KIAA1328: variants seen among roughly 807,000 people sequenced by gnomAD.
The protein encoded by KIAA1328 is KIAA1328, also known as protein hinderin.
KIAA1328 carries 52 observed loss-of-function variants against 68.1 expected under a neutral mutation model. The ratio of observed to expected loss-of-function variants is 0.76; its 90% CI spans 0.61 to 0.96. KIAA1328 has a LOEUF of 0.96. KIAA1328 is among the 40% of genes least tolerant of loss of function. The pLI, the probability that KIAA1328 is intolerant of heterozygous loss-of-function variation, is 0.00. For synonymous variants in KIAA1328, 232 were observed against 239.4 expected (o/e 0.97, Z 0.28); for missense variants, 641 against 677.6 (o/e 0.95, Z 0.60).
chr18:37,099,684 C>G (rs2057536584), intron 7 of KIAA1328, among the ~76,000 whole-genome samples: 1 of 152,092 alleles, frequency 6.6e-6, no homozygotes, highest in African/African-American at 2.4e-5. Flanking sequence ...TTGTTAAAGT[C>G]TCCCATTATT....
chr18:37,105,911 T>G (rs1283886589), intron 7 of KIAA1328, among the ~76,000 whole-genome samples: 1 of 54,546 alleles, frequency 1.8e-5, no homozygotes, highest in Non-Finnish European at 3.2e-5. Flanking sequence ...AGCAAGACTC[T>G]GTGTCAAAAA....
chr18:37,013,601 G>A (rs1395820997), intron 6 of KIAA1328, among the ~76,000 whole-genome samples: 1 of 152,104 alleles, frequency 6.6e-6, no homozygotes, highest in African/African-American at 2.4e-5. Context: ...GTAGTATTTG[G>A]TTTTCTGTTC....
intron 7 of KIAA1328, among the ~76,000 whole-genome samples, chr18:37,079,158 T>G (rs1431681054): frequency 3.2e-5 from 4 of 125,690 alleles, no homozygotes; most frequent in Non-Finnish European, 4.9e-5. Context: ...CCATAAAAAA[T>G]GATGAGTTCA....
chr18:37,066,692 T>C lies in KIAA1328; in HGVS notation c.577-198T>C, dbSNP rs992450258. On this transcript the variant is annotated intron_variant, in intron 6 of 9. Transcript: ENST00000280020. ...TTTTCTTATCTTTATATAGATTTACTGAAGGGTAGGTTGTTTGAAAATGGA... is the reference window on the plus strand; with the variant it reads ...TTTTCTTATCTTTATATAGATTTACCGAAGGGTAGGTTGTTTGAAAATGGA... Among the ~76,000 whole-genome samples the C allele has an allele frequency of 2.6e-5, 4 of 152,364 alleles. 1 individual carries two copies. The highest frequency in any genetic ancestry group is 9.6e-5 in the African/African-American group (4 of 41,592).
rs1300222279 is a variant in KIAA1328 at position 37,028,014 on chromosome 18, G to GA, written c.577-38869dup. 3.3e-5 allele frequency among the ~76,000 whole-genome samples: 5 copies of GA among 152,066 alleles called. No homozygotes were observed. The South Asian group carries it at 1.0e-3, about 32-fold the overall frequency. On this transcript the variant is annotated intron_variant, in intron 6 of 9. Coordinates refer to ENST00000280020, the MANE Select transcript of KIAA1328 (RefSeq NM_020776.3). Reference sequence around the variant, plus strand: ...ACAAAGAACTCAAACAAATTTACAAGAAAAAAACAACCCCATCAAAAAGTG... The same window carrying GA: ...ACAAAGAACTCAAACAAATTTACAAGAAAAAAAACAACCCCATCAAAAAGTG...
At chr18:37,117,495 G>A (rs923289970) in intron 7 of KIAA1328, among the ~76,000 whole-genome samples, 22 of 152,284 alleles carry the variant, frequency 1.4e-4, no homozygotes, top group African/African-American at 5.3e-4. Flanking sequence ...GCCTGTCATG[G>A]GATTGGGGGA....
chr18:37,169,498 A>G (rs1017576368), intron 8 of KIAA1328, among the ~76,000 whole-genome samples: 13 of 146,170 alleles, frequency 8.9e-5, no homozygotes, highest in African/African-American at 3.2e-4. Flanking sequence ...ATATGTTGTT[A>G]TTGTGTGTGT....
intron 6 of KIAA1328, among the ~76,000 whole-genome samples, chr18:37,051,925 C>A (rs1022941529): frequency 1.3e-5 from 2 of 151,972 alleles, no homozygotes; most frequent in African/African-American, 4.8e-5. Context: ...GCCTCTAATC[C>A]CAGCTATTTG....
At chr18:36,859,909 A>T (rs2047507666) in intron 4 of KIAA1328, among the ~76,000 whole-genome samples, 1 of 147,302 alleles carries the variant, frequency 6.8e-6, no homozygotes, top group Non-Finnish European at 1.5e-5. Flanking sequence ...TATGTAACTC[A>T]TTGATTTTCA....
intron 5 of KIAA1328, among the ~76,000 whole-genome samples, chr18:36,891,642 A>G (rs914994808): frequency 1.3e-5 from 2 of 152,300 alleles, no homozygotes; most frequent in South Asian, 2.1e-4. Context: ...TCATTATTCC[A>G]TTCTGTTTTC....
intron 6 of KIAA1328, among the ~76,000 whole-genome samples, chr18:37,017,602 T>C (rs528219620): frequency 2.9e-4 from 44 of 152,268 alleles, no homozygotes; most frequent in African/African-American, 9.6e-4. Context: ...GTTTAAGTTT[T>C]TTCATAGGTT....
At chr18:36,835,198 T>G (rs1454609812) in intron 2 of KIAA1328, 36 bp from the exon 3 acceptor site, 1 of 1,594,198 alleles carries the variant, frequency 6.3e-7, no homozygotes, top group South Asian at 1.1e-5. Context: ...GATAATAAGG[T>G]ATAATTTTGA....
intron 6 of KIAA1328, among the ~76,000 whole-genome samples, chr18:37,040,937 T>C (rs1358282593): frequency 6.6e-6 from 1 of 151,888 alleles, no homozygotes. Flanking sequence ...CTTTTAAATT[T>C]GTAAATTTTT....
chr18:37,000,147 G>A, intron 6 of KIAA1328, among the ~76,000 whole-genome samples: 1 of 152,090 alleles, frequency 6.6e-6, no homozygotes, highest in East Asian at 1.9e-4. Flanking sequence ...TAGCCTGAAA[G>A]TAAAGGGACG....
chr18:37,118,337 C>T (rs1325712062), intron 7 of KIAA1328, among the ~76,000 whole-genome samples: 2 of 152,112 alleles, frequency 1.3e-5, no homozygotes, highest in South Asian at 2.1e-4. Flanking sequence ...TTCCCTTTGC[C>T]ATCAGCAAGC....
intron 6 of KIAA1328, among the ~76,000 whole-genome samples, chr18:37,010,020 A>T (rs959625702): frequency 6.6e-6 from 1 of 152,194 alleles, no homozygotes; most frequent in Non-Finnish European, 1.5e-5. Context: ...CACTAAGGAA[A>T]AGCTTACCAT....
chr18:37,214,591 C>A (rs1351894008), intron 9 of KIAA1328, among the ~76,000 whole-genome samples: 1 of 152,168 alleles, frequency 6.6e-6, no homozygotes. Flanking sequence ...CGTGATGCCT[C>A]CAGCTTTGTT....
intron 9 of KIAA1328, among the ~76,000 whole-genome samples, chr18:37,192,260 A>T (rs975011713): frequency 9.9e-5 from 15 of 151,942 alleles, no homozygotes; most frequent in African/African-American, 3.6e-4. Context: ...TTTGTATTAA[A>T]GGTTATAAAG....
In KIAA1328 at chr18:36,956,658, C is replaced by T. The variant is rs181811363; in HGVS notation, c.449-2650C>T. Among the ~76,000 whole-genome samples, 9 of 152,094 alleles carry T rather than the reference C, an allele frequency of 5.9e-5. 1 individual carries two copies. In the East Asian group the frequency reaches 1.5e-3, roughly 26 times the overall value. On this transcript the variant is annotated intron_variant, in intron 5 of 9. Coordinates refer to ENST00000280020, the MANE Select transcript of KIAA1328 (RefSeq NM_020776.3). ...ATAGCATGTGTTTAAATGAATTTGC[C>T]TATAATTTGTTTCAAACGCTGACAT...
Sources: allele counts gnomAD v4.1 joint callset (sites outside exome capture counted in the v4.1 genomes callset), GRCh38; gene constraint gnomAD v4.1.1; transcripts MANE v1.5; gene names NCBI Gene and HGNC (gene_info 2026-07-23, HGNC 2026-07-21).